TFG: variants seen among roughly 807,000 people sequenced by gnomAD.
The protein encoded by TFG is protein TFG.
In TFG, 22 loss-of-function variants were observed where a neutral mutation model predicts 51.4. The ratio of observed to expected loss-of-function variants is 0.43; its 90% CI spans 0.31 to 0.61. TFG has a LOEUF of 0.61. TFG is among the 20% of genes least tolerant of loss of function. The pLI is 0.12. For synonymous variants in TFG, 187 were observed against 165.6 expected, an observed-to-expected ratio of 1.13 and a Z score of -0.99; for missense variants, 419 against 487.7, an observed-to-expected ratio of 0.86 and a Z score of 1.33.
intron 7 of TFG, 120 bp downstream of exon 7, chr3:100,745,051 G>A (rs1300161126): frequency 4.5e-6 from 2 of 444,620 alleles, no homozygotes; most frequent in Non-Finnish European, 8.1e-6. Flanking sequence ...GTTTTTATTA[G>A]GGGAAACAAC....
intron 6 of TFG, among the ~76,000 whole-genome samples, chr3:100,739,682 C>T (rs1033007997): frequency 3.3e-5 from 5 of 152,166 alleles, no homozygotes; most frequent in African/African-American, 1.2e-4. Context: ...GGCTTCAACA[C>T]TTACCAATAT....
At chr3:100,731,605 C>T (rs998025273) in intron 4 of TFG, among the ~76,000 whole-genome samples, 1 of 152,126 alleles carries the variant, frequency 6.6e-6, no homozygotes, top group African/African-American at 2.4e-5. Context: ...CCTCCTGTTA[C>T]CCAGAGTGGA....
intron 5 of TFG, among the ~76,000 whole-genome samples, chr3:100,733,961 ATTAT>A (rs1456910146): frequency 6.6e-6 from 1 of 152,144 alleles, no homozygotes; most frequent in Non-Finnish European, 1.5e-5. Flanking sequence ...TTTTGAAATA[ATTAT>A]TGTTGGCTAC....
At chr3:100,714,275 G>A (rs1471789387) in intron 2 of TFG, among the ~76,000 whole-genome samples, 1 of 152,062 alleles carries the variant, frequency 6.6e-6, no homozygotes, top group Non-Finnish European at 1.5e-5. Context: ...CGAGGTAGGC[G>A]GATCATTTGA....
intron 5 of TFG, 49 bp downstream of exon 5, chr3:100,732,721 C>A: frequency 7.0e-7 from 1 of 1,420,488 alleles, no homozygotes; most frequent in Non-Finnish European, 9.6e-7. Flanking sequence ...TTCATCTTTC[C>A]GTTCTTCCCT....
intron 6 of TFG, chr3:100,744,381 T>G (rs1293788097): frequency 6.6e-6 from 1 of 152,416 alleles, no homozygotes; most frequent in African/African-American, 2.4e-5. Flanking sequence ...ACCAAAGAGT[T>G]TGTTCATATG....
At position 100,748,706 on chromosome 3, in the gene TFG, G is replaced by T; in HGVS notation, c.*175G>T. ...TTTGCTGGAACACAAAGACCAAAAT[G>T]AAAGTTTTTTCCTCCCTGCTTAAAA... On this transcript the variant is annotated 3_prime_UTR_variant, in exon 8 of 8. Transcript: ENST00000240851. 1.3e-6 allele frequency: 1 copy of T among 751,534 alleles called. No individual in the cohort carries two copies. Among genetic ancestry groups the T allele is most frequent in the Non-Finnish European group, 2.0e-6 (1 of 500,288 alleles). 46.6% of individuals were successfully genotyped at this position (751,534 alleles called of 1,614,324 possible).
chr3:100,709,671 C>T lies in TFG; in HGVS notation c.-94C>T, dbSNP rs2095023581. 6.6e-6 allele frequency: 1 copy of T among 151,318 alleles called. No homozygotes were observed. The highest frequency in any genetic ancestry group is 2.4e-5 in the African/African-American group (1 of 41,178). The allele number at this position is 151,318 out of a possible 1,614,324, so 9.4% of individuals were successfully genotyped here. On this transcript the variant is annotated 5_prime_UTR_variant, in exon 1 of 8. Transcript: ENST00000240851. ...CCCAGTCCAGTGGCCTCGCGTCCGCCCATTCAGCGGAGACCTGCGGAGAGG... is the reference window on the plus strand; with the variant it reads ...CCCAGTCCAGTGGCCTCGCGTCCGCTCATTCAGCGGAGACCTGCGGAGAGG...
chr3:100,723,303 T>C (rs934691108), intron 3 of TFG, among the ~76,000 whole-genome samples: 2 of 152,028 alleles, frequency 1.3e-5, no homozygotes, highest in African/African-American at 4.8e-5. Flanking sequence ...ATTGAAAAAT[T>C]AGACATTGTC....
chr3:100,727,908 A>G (rs962991518), intron 3 of TFG, among the ~76,000 whole-genome samples: 2 of 152,158 alleles, frequency 1.3e-5, no homozygotes, highest in Admixed American at 6.5e-5. Context: ...GATCTCAGCC[A>G]ACTGGACTTC....
chr3:100,745,290 A>G (rs761558430), intron 7 of TFG, among the ~76,000 whole-genome samples: 1 of 152,138 alleles, frequency 6.6e-6, no homozygotes, highest in African/African-American at 2.4e-5. Context: ...ACGTAATTCC[A>G]GTGTACTCTT....
chr3:100,714,657 G>A (rs892348951), intron 2 of TFG, among the ~76,000 whole-genome samples: 15 of 151,834 alleles, frequency 9.9e-5, no homozygotes, highest in South Asian at 4.1e-4. Flanking sequence ...CTTATTTCCC[G>A]AAATGAAAGG....
At chr3:100,725,023 C>T (rs1261670782) in intron 3 of TFG, among the ~76,000 whole-genome samples, 1 of 152,214 alleles carries the variant, frequency 6.6e-6, no homozygotes, top group Non-Finnish European at 1.5e-5. Flanking sequence ...CCCATCTCAG[C>T]TTCCCGAGTA....
chr3:100,740,823 C>T (rs928873047), intron 6 of TFG, among the ~76,000 whole-genome samples: 12 of 151,914 alleles, frequency 7.9e-5, no homozygotes, highest in Non-Finnish European at 8.8e-5. Flanking sequence ...GTCATTGATT[C>T]TTTTTGAAAA....
intron 4 of TFG, among the ~76,000 whole-genome samples, chr3:100,730,657 C>T (rs3773922): frequency 0.37 from 56,681 of 151,952 alleles, 10,775 homozygotes; most frequent in South Asian, 0.49. Flanking sequence ...GTGGCTTACC[C>T]TCACCAAGAA....
At chr3:100,745,160 G>A (rs75342836) in intron 7 of TFG, among the ~76,000 whole-genome samples, 2 of 141,554 alleles carry the variant, frequency 1.4e-5, no homozygotes, top group Non-Finnish European at 3.1e-5. Context: ...TGATTCTGCA[G>A]TAACTTGTAG....
At chr3:100,744,765 TA>T in intron 6 of TFG, 67 bp from the exon 7 acceptor site, 1 of 1,026,648 alleles carries the variant, frequency 9.7e-7, no homozygotes, top group Non-Finnish European at 1.5e-6. Context: ...ATATGTATCT[TA>T]AAAATATTTC....
chr3:100,726,273 G>T (rs1014761804), intron 3 of TFG, among the ~76,000 whole-genome samples: 1 of 152,234 alleles, frequency 6.6e-6, no homozygotes, highest in Non-Finnish European at 1.5e-5. Flanking sequence ...TAAAGACCCA[G>T]CAAGCAAACT....
At chr3:100,715,066 T>C (rs1014856340) in intron 2 of TFG, among the ~76,000 whole-genome samples, 1 of 152,230 alleles carries the variant, frequency 6.6e-6, no homozygotes, top group East Asian at 1.9e-4. Context: ...CACACCATCC[T>C]TGTTTTTAAA....
Sources: allele counts gnomAD v4.1 joint callset (sites outside exome capture counted in the v4.1 genomes callset), GRCh38; gene constraint gnomAD v4.1.1; transcripts MANE v1.5; gene names NCBI Gene and HGNC (gene_info 2026-07-23, HGNC 2026-07-21).